CD276: variants seen among roughly 807,000 people sequenced by gnomAD.
CD276 encodes the protein CD276 antigen.
Under a neutral mutation model 50.0 loss-of-function variants are expected in CD276, and 34 were observed. That is an observed-to-expected ratio of 0.68 (90% CI 0.52 to 0.91). CD276 has a LOEUF of 0.91. CD276 is among the 40% of genes least tolerant of loss of function. The pLI, the probability that CD276 is intolerant of heterozygous loss-of-function variation, is 0.00. For synonymous variants in CD276, 275 were observed against 313.0 expected (o/e 0.88, Z 1.28); for missense variants, 634 against 717.5 (o/e 0.88, Z 1.33).
intron 8 of CD276, among the ~76,000 whole-genome samples, chr15:73,710,764 T>C (rs754602726): frequency 1.3e-5 from 2 of 152,138 alleles, no homozygotes; most frequent in Non-Finnish European, 2.9e-5. Context: ...GTCAGTCTCA[T>C]TCCACATGGT....
chr15:73,714,112 A>G lies in CD276; in HGVS notation c.*1156A>G. ...TTGGGGCGGAAACCTGGAGAGAGGGACATAGCCCCTCGCCACGGCTAGAGA... is the reference window on the plus strand; with the variant it reads ...TTGGGGCGGAAACCTGGAGAGAGGGGCATAGCCCCTCGCCACGGCTAGAGA... On this transcript the variant is annotated 3_prime_UTR_variant, in exon 10 of 10. Coordinates refer to ENST00000318443, the MANE Select transcript of CD276 (RefSeq NM_001024736.2). The G allele has an allele frequency of 3.5e-6, 1 of 282,504 alleles. No individual in the cohort carries two copies. Among genetic ancestry groups the G allele is most frequent in the Non-Finnish European group, 6.7e-6 (1 of 149,398 alleles). The allele number at this position is 282,504 out of a possible 1,614,324, so 17.5% of individuals were successfully genotyped here.
chr15:73,695,759 T>C (rs1436087464), intron 1 of CD276, among the ~76,000 whole-genome samples: 2 of 152,244 alleles, frequency 1.3e-5, no homozygotes, highest in Non-Finnish European at 2.9e-5. Context: ...GCTTCAGGCA[T>C]AGCTGGATCC....
chr15:73,706,913 C>T (rs1310218042), intron 6 of CD276, among the ~76,000 whole-genome samples: 1 of 152,102 alleles, frequency 6.6e-6, no homozygotes, highest in African/African-American at 2.4e-5. Context: ...ATGGCTCTGC[C>T]CCCTCCTCTG....
rs770781439 is a variant in CD276, at chr15:73,699,631, C to T, written c.-9C>T. On this transcript the variant is annotated 5_prime_UTR_variant, in exon 2 of 10. Transcript: ENST00000318443. The stretch of plus-strand genomic sequence containing the variant: ...CGGGGAGCCCAGCTGTCAGCCGCCT[C>T]ACAGGAAGATGCTGCGTCGGCGGGG... 1 of 1,613,570 alleles carries T rather than the reference C, an allele frequency of 6.2e-7. No homozygotes were observed. The highest frequency in any genetic ancestry group is 1.1e-5 in the South Asian group (1 of 90,948).
intron 1 of CD276, among the ~76,000 whole-genome samples, chr15:73,692,403 C>A (rs1391707345): frequency 6.6e-6 from 1 of 152,154 alleles, no homozygotes; most frequent in East Asian, 1.9e-4. Flanking sequence ...TGCCATTTAG[C>A]AGCTCTGTAA....
chr15:73,711,334 C>A, intron 9 of CD276, 164 bp downstream of exon 9: 1 of 699,668 alleles, frequency 1.4e-6, no homozygotes, highest in Non-Finnish European at 2.5e-6. Context: ...GCTGAGTAAC[C>A]AAGGTCCCAG....
chr15:73,690,531 CG>C (rs1278739970), intron 1 of CD276: 3 of 358,128 alleles, frequency 8.4e-6, no homozygotes, highest in South Asian at 2.2e-5. Context: ...TGGCATCTGG[CG>C]AGGGCCTTCT....
chr15:73,705,897 C>T (rs539838895), intron 6 of CD276, among the ~76,000 whole-genome samples: 2 of 152,278 alleles, frequency 1.3e-5, no homozygotes, highest in South Asian at 4.1e-4. Flanking sequence ...GAATGTTTAT[C>T]TCACCTAAGA....
At position 73,714,400 on chromosome 15, in the gene CD276, A is replaced by G. The variant is rs573743683; in HGVS notation, c.*1444A>G. 1 of 152,754 alleles carries G rather than the reference A, an allele frequency of 6.5e-6. No homozygotes were observed. The highest frequency in any genetic ancestry group is 2.1e-4 in the South Asian group (1 of 4,824). The allele number at this position is 152,754 out of a possible 1,614,324, so 9.5% of individuals were successfully genotyped here. A position where few individuals can be genotyped will look rare whatever the true frequency, so the allele number is the denominator to read the frequency against. On this transcript the variant is annotated 3_prime_UTR_variant, in exon 10 of 10. Coordinates refer to ENST00000318443, the MANE Select transcript of CD276 (RefSeq NM_001024736.2). ...GACGTTCTGATGCCTTCCGGATGTC[A>G]TCTCTCCCTGCCCCAGGAATGGAAG...
intron 1 of CD276, among the ~76,000 whole-genome samples, chr15:73,689,187 C>CGT (rs1567012263): frequency 3.8e-5 from 4 of 104,202 alleles, no homozygotes; most frequent in African/African-American, 1.5e-4. Flanking sequence ...CTCTGTGCCT[C>CGT]CTGTGTGTGT....
chr15:73,697,739 T>G (rs1041001834), intron 1 of CD276: 1 of 151,700 alleles, frequency 6.6e-6, no homozygotes, highest in African/African-American at 2.4e-5. Context: ...CAGCTAATGT[T>G]TATATTTTTA....
chr15:73,703,348 G>C (rs547809128), intron 4 of CD276, among the ~76,000 whole-genome samples: 2 of 152,210 alleles, frequency 1.3e-5, no homozygotes, highest in South Asian at 4.1e-4. Context: ...TCAGCAGAGG[G>C]GTGGGCGAAG....
intron 2 of CD276, 61 bp downstream of exon 2, chr15:73,699,779 G>T: frequency 1.3e-6 from 2 of 1,520,468 alleles, no homozygotes; most frequent in South Asian, 2.6e-5. Flanking sequence ...TTGGGGAGGG[G>T]GTGCCCACGC....
At chr15:73,692,071 C>T (rs951619938) in intron 1 of CD276, among the ~76,000 whole-genome samples, 4 of 152,158 alleles carry the variant, frequency 2.6e-5, no homozygotes, top group African/African-American at 9.7e-5. Flanking sequence ...CCTCCCTTGC[C>T]TCCTCTCCTG....
intron 1 of CD276, among the ~76,000 whole-genome samples, chr15:73,698,136 C>G (rs1900245030): frequency 6.6e-6 from 1 of 152,140 alleles, no homozygotes; most frequent in Non-Finnish European, 1.5e-5. Context: ...CAGGCCTGAC[C>G]TGCAGCCACA....
At chr15:73,701,344 T>G (rs930498999) in intron 2 of CD276, among the ~76,000 whole-genome samples, 2 of 152,080 alleles carry the variant, frequency 1.3e-5, no homozygotes, top group Admixed American at 6.5e-5. Context: ...CACAGTCCAG[T>G]CTCCACAGAG....
chr15:73,690,246 G>A (rs886697263), intron 1 of CD276, among the ~76,000 whole-genome samples: 1 of 152,228 alleles, frequency 6.6e-6, no homozygotes, highest in African/African-American at 2.4e-5. Context: ...GGATGCAATA[G>A]TTAAATAAAG....
chr15:73,689,058 C>G (rs752145194), intron 1 of CD276, among the ~76,000 whole-genome samples: 1 of 152,158 alleles, frequency 6.6e-6, no homozygotes, highest in Non-Finnish European at 1.5e-5. Flanking sequence ...GAAATCTGCG[C>G]TCTGATGTGG....
chr15:73,714,187 AC>A lies in CD276; in HGVS notation c.*1233del, dbSNP rs1454228816. ...TCCAGGTGTGGGCAGGTGGGCAGGC[AC>A]CAAGGCCCTCTGGACCTTTCATAGC... On this transcript the variant is annotated 3_prime_UTR_variant, in exon 10 of 10. Transcript: ENST00000318443. 7.9e-6 allele frequency: 2 copies of A among 252,446 alleles called. No individual in the cohort carries two copies. The highest frequency in any genetic ancestry group is 1.5e-5 in the Non-Finnish European group (2 of 131,982). 15.6% of individuals were successfully genotyped at this position (252,446 alleles called of 1,614,324 possible).
Sources: gnomAD v4.1 joint callset for allele counts (sites outside exome capture counted in the v4.1 genomes callset) on GRCh38, gnomAD v4.1.1 for gene constraint, MANE v1.5 for transcripts, NCBI Gene and HGNC (gene_info 2026-07-23, HGNC 2026-07-21) for gene names.